The following KIAA0586 variants were observed in gnomAD, a reference collection of about 807,000 sequenced individuals.
KIAA0586 encodes protein TALPID3.
A neutral mutation model predicts 169.8 loss-of-function variants in KIAA0586; 144 were observed. That is an observed-to-expected ratio of 0.85 (90% CI 0.74 to 0.97). The LOEUF is 0.97. Among genes scored for constraint, KIAA0586 ranks in the 50% least tolerant of loss-of-function variants. The pLI is 0.00. For missense variants in KIAA0586, 1,854 were observed against 1,823.0 expected (o/e 1.02, Z -0.31); for synonymous variants, 625 against 612.4 (o/e 1.02, Z -0.30).
At chr14:58,446,093 C>T (rs1419047539) in intron 6 of KIAA0586, among the ~76,000 whole-genome samples, 1 of 151,708 alleles carries the variant, frequency 6.6e-6, no homozygotes, top group African/African-American at 2.4e-5. Flanking sequence ...TGGTCTCAAA[C>T]TCCTGACCTC....
downstream of KIAA0586, among the ~76,000 whole-genome samples, chr14:58,553,056 A>G (rs2047225493): frequency 2.0e-5 from 3 of 152,200 alleles, no homozygotes; most frequent in African/African-American, 7.2e-5. Flanking sequence ...CTTTGGTCAC[A>G]TTCCCCAATA....
At chr14:58,483,071 G>A (rs2042143130) in intron 21 of KIAA0586, among the ~76,000 whole-genome samples, 1 of 152,172 alleles carries the variant, frequency 6.6e-6, no homozygotes, top group African/African-American at 2.4e-5. Context: ...CTATACAGTT[G>A]TCCATTGGTG....
intron 24 of KIAA0586, 23 bp downstream of exon 24, chr14:58,488,897 A>G (rs1355203062): frequency 1.2e-6 from 2 of 1,606,330 alleles, no homozygotes; most frequent in African/African-American, 2.7e-5. Flanking sequence ...GTATTAGTTG[A>G]TTTTACTTGT....
At chr14:58,514,454 A>G (rs1026926999) in intron 29 of KIAA0586, among the ~76,000 whole-genome samples, 1 of 151,984 alleles carries the variant, frequency 6.6e-6, no homozygotes, top group African/African-American at 2.4e-5. Flanking sequence ...AATTTTGGCT[A>G]TTTCAGGGGG....
intron 19 of KIAA0586, 47 bp downstream of exon 19, chr14:58,474,844 A>G (rs753121025): frequency 6.1e-6 from 8 of 1,303,052 alleles, no homozygotes; most frequent in South Asian, 5.6e-5. Flanking sequence ...AGTAGAAAAT[A>G]TAAATGGAAA....
chr14:58,514,408 T>A (rs1007227959), intron 29 of KIAA0586, among the ~76,000 whole-genome samples: 1 of 152,094 alleles, frequency 6.6e-6, no homozygotes, highest in Non-Finnish European at 1.5e-5. Flanking sequence ...ACATCTTTTC[T>A]AGCAGATAAA....
upstream of KIAA0586, chr14:58,427,433 T>A (rs1392290408): frequency 1.5e-6 from 1 of 656,244 alleles, no homozygotes; most frequent in Non-Finnish European, 2.5e-6. Context: ...CGAAGCAGTG[T>A]CAACAGTCCC....
chr14:58,520,936 G>A (rs958501868), intron 29 of KIAA0586: 2 of 181,566 alleles, frequency 1.1e-5, no homozygotes, highest in African/African-American at 4.8e-5. Context: ...ATCTTTTTTA[G>A]CATCCCTTTA....
chr14:58,547,343 C>T (rs1167343186), intron 30 of KIAA0586, among the ~76,000 whole-genome samples: 1 of 152,120 alleles, frequency 6.6e-6, no homozygotes, highest in Non-Finnish European at 1.5e-5. Context: ...GAGCTCTTCA[C>T]TGACACTATT....
At chr14:58,533,744 G>A (rs1419826281) in intron 29 of KIAA0586, among the ~76,000 whole-genome samples, 1 of 152,122 alleles carries the variant, frequency 6.6e-6, no homozygotes, top group Non-Finnish European at 1.5e-5. Flanking sequence ...CCAGAGTAAT[G>A]GTAACGTAGA....
rs775132503 is a variant in KIAA0586, at chr14:58,448,519, T to TA, written c.961+32dup. 18 of 1,525,616 alleles carry TA rather than the reference T, an allele frequency of 1.2e-5. No individual in the cohort carries two copies. In the South Asian group the frequency reaches 1.3e-4, roughly 11 times the overall value. The allele number at this position is 1,525,616 out of a possible 1,614,324, so 94.5% of individuals were successfully genotyped here. A position where few individuals can be genotyped will look rare whatever the true frequency, so the allele number is the denominator to read the frequency against. On this transcript the variant is annotated intron_variant, in intron 7 of 30. Coordinates refer to ENST00000652326, the MANE Select transcript of KIAA0586 (RefSeq NM_001329943.3). Reference sequence around the variant, plus strand: ...GTAAAAATATGTAGTTCTCTATGAATAAAAAATGTCAGCTGTGAATTTTCT... The same window carrying TA: ...GTAAAAATATGTAGTTCTCTATGAATAAAAAAATGTCAGCTGTGAATTTTCT...
intron 21 of KIAA0586, among the ~76,000 whole-genome samples, chr14:58,485,384 T>G (rs2042373142): frequency 6.6e-6 from 1 of 152,150 alleles, no homozygotes. Context: ...TCGGCAAAAC[T>G]CTAAAAGTTT....
intron 6 of KIAA0586, among the ~76,000 whole-genome samples, chr14:58,444,915 GAAAAAAAAAAAAAAA>G (rs869127762): frequency 2.7e-5 from 3 of 111,988 alleles, no homozygotes; most frequent in Non-Finnish European, 5.4e-5. Flanking sequence ...CATCTCTTAG[GAAAAAAAAAAAAAAA>G]AAAAAAAAAA....
At chr14:58,537,520 G>A (rs1410141306) in intron 29 of KIAA0586, among the ~76,000 whole-genome samples, 2 of 152,174 alleles carry the variant, frequency 1.3e-5, no homozygotes, top group African/African-American at 4.8e-5. Flanking sequence ...TGTAGAATTT[G>A]AAAGGGAGCT....
intron 30 of KIAA0586, among the ~76,000 whole-genome samples, chr14:58,545,869 A>G (rs2046948531): frequency 6.6e-6 from 1 of 151,566 alleles, no homozygotes; most frequent in African/African-American, 2.4e-5. Flanking sequence ...CTCCCTCTAC[A>G]AAAAATTTTT....
chr14:58,499,581 C>T (rs1170713210), intron 27 of KIAA0586, among the ~76,000 whole-genome samples: 3 of 150,530 alleles, frequency 2.0e-5, no homozygotes, highest in Non-Finnish European at 3.0e-5. Flanking sequence ...TTTTTGGAGA[C>T]GGAGTCTTGC....
At chr14:58,503,564 T>A (rs189303229) in intron 27 of KIAA0586, among the ~76,000 whole-genome samples, 1 of 152,088 alleles carries the variant, frequency 6.6e-6, no homozygotes, top group African/African-American at 2.4e-5. Context: ...TCACAATGAT[T>A]TTTTTTCTCT....
intron 27 of KIAA0586, among the ~76,000 whole-genome samples, chr14:58,500,221 C>T (rs576572007): frequency 6.6e-6 from 1 of 152,294 alleles, no homozygotes; most frequent in East Asian, 1.9e-4. Context: ...ACATTTTTAT[C>T]AACTGATCAA....
chr14:58,529,129 CA>C (rs746587915), intron 29 of KIAA0586, among the ~76,000 whole-genome samples: 8 of 152,158 alleles, frequency 5.3e-5, no homozygotes, highest in Non-Finnish European at 8.8e-5. Context: ...TTCCTGGACA[CA>C]TACACCCTCC....
Sources: allele counts gnomAD v4.1 joint callset (sites outside exome capture counted in the v4.1 genomes callset), GRCh38; gene constraint gnomAD v4.1.1; transcripts MANE v1.5; gene names NCBI Gene and HGNC (gene_info 2026-07-23, HGNC 2026-07-21).